ARHGAP35: variants seen among roughly 807,000 people sequenced by gnomAD.
ARHGAP35 encodes Rho GTPase activating protein 35, also known as rho GTPase-activating protein 35.
In ARHGAP35, 15 loss-of-function variants were observed where a neutral mutation model predicts 111.1. That is an observed-to-expected ratio of 0.13 (90% CI 0.09 to 0.21). The LOEUF (loss-of-function observed/expected upper bound fraction) is 0.21, where lower values mean the gene tolerates loss of function less well. Among genes scored for constraint, ARHGAP35 ranks in the 10% least tolerant of loss-of-function variants. The pLI, the probability that ARHGAP35 is intolerant of heterozygous loss-of-function variation, is 1.00. For synonymous variants in ARHGAP35, 643 were observed against 710.3 expected (o/e 0.91, Z 1.51); for missense variants, 1,262 against 1,873.0 (o/e 0.67, Z 6.02).
In ARHGAP35 at chr19:46,881,661, A is replaced by C. The variant is rs374578578; in HGVS notation, c.-189+20452A>C. 3.3e-5 allele frequency among the ~76,000 whole-genome samples: 5 copies of C among 152,154 alleles called. No individual in the cohort carries two copies. In the East Asian group the frequency reaches 5.8e-4, roughly 18 times the overall value. ...GTAGAATACAGTTAGCATGATTCCT[A>C]AGGCCTGTAGGATTTTCAGAATAGT... On this transcript the variant is annotated intron_variant, in intron 1 of 6. Transcript: ENST00000672722.
At chr19:46,882,841 T>A (rs1010202744) in intron 1 of ARHGAP35, among the ~76,000 whole-genome samples, 15 of 152,308 alleles carry the variant, frequency 9.8e-5, no homozygotes, top group African/African-American at 3.1e-4. Flanking sequence ...CTCACTCTTT[T>A]TTATGGCTGC....
chr19:46,886,417 A>C lies in ARHGAP35; in HGVS notation c.-189+25208A>C, dbSNP rs187221980. Among the ~76,000 whole-genome samples the C allele has an allele frequency of 6.1e-3, 918 of 149,670 alleles. 5 individuals are homozygous for C. The highest frequency in any genetic ancestry group is 0.021 in the Middle Eastern group (6 of 286). ...TTTTTTTTTCTTTTCTTTTTTTCCT[A>C]CTTCTAATTCTGACATAGGGCTGTG... is the stretch of plus-strand genomic sequence containing the variant. On this transcript the variant is annotated intron_variant, in intron 1 of 6. Coordinates refer to ENST00000672722, the MANE Select transcript of ARHGAP35 (RefSeq NM_004491.5).
At chr19:46,971,272 G>A (rs1405440907) in intron 3 of ARHGAP35, among the ~76,000 whole-genome samples, 1 of 151,954 alleles carries the variant, frequency 6.6e-6, no homozygotes, top group Non-Finnish European at 1.5e-5. Flanking sequence ...CGGGCGTGGT[G>A]GCGTGCGTCT....
chr19:46,875,956 A>G (rs766704651), intron 1 of ARHGAP35, among the ~76,000 whole-genome samples: 1 of 152,120 alleles, frequency 6.6e-6, no homozygotes, highest in Non-Finnish European at 1.5e-5. Context: ...GCAGTTGTCC[A>G]CATTTGTGGA....
intron 1 of ARHGAP35, among the ~76,000 whole-genome samples, chr19:46,869,508 G>A (rs952501321): frequency 6.7e-6 from 1 of 150,000 alleles, no homozygotes; most frequent in Non-Finnish European, 1.5e-5. Context: ...GTGTGTGTGT[G>A]TATTTGCATT....
rs1202901552 is a variant in ARHGAP35, at chr19:46,993,982, C to CT, written c.4036+4308dup. Reference sequence around the variant, plus strand: ...AGTGTCTTGACTCCCAAAGGGCAGGCTGAGGGAGCAGAGGATGTGAGGATC... The same window carrying CT: ...AGTGTCTTGACTCCCAAAGGGCAGGCTTGAGGGAGCAGAGGATGTGAGGATC... On this transcript the variant is annotated intron_variant, in intron 5 of 6. Coordinates refer to ENST00000672722, the MANE Select transcript of ARHGAP35 (RefSeq NM_004491.5). This position sits in a 1 kb window ranked among gnomAD's most constrained non-coding sequence, Gnocchi z 4.6. 6.6e-6 allele frequency among the ~76,000 whole-genome samples: 1 copy of CT among 152,182 alleles called. No individual in the cohort carries two copies. The highest frequency in any genetic ancestry group is 1.5e-5 in the Non-Finnish European group (1 of 68,038).
intron 1 of ARHGAP35, among the ~76,000 whole-genome samples, chr19:46,894,445 G>GTTTTTTTTTTTTTTTT (rs35723876): frequency 9.3e-6 from 1 of 108,108 alleles, no homozygotes; most frequent in African/African-American, 3.6e-5. Context: ...CTGTTTTTTG[G>GTTTTTTTTTTTTTTTT]TTTTTTTTTT....
At chr19:46,933,528 G>T (rs920378033) in intron 2 of ARHGAP35, among the ~76,000 whole-genome samples, 3 of 151,996 alleles carry the variant, frequency 2.0e-5, no homozygotes, top group Non-Finnish European at 2.9e-5. Flanking sequence ...TATAAGCCGT[G>T]GTGGTTAAAA....
chr19:46,976,282 A>C (rs1235748507), intron 3 of ARHGAP35, among the ~76,000 whole-genome samples: 1 of 144,192 alleles, frequency 6.9e-6, no homozygotes, highest in Non-Finnish European at 1.5e-5. Context: ...TAAGTTAAGC[A>C]CAAGTCACTT....
intron 1 of ARHGAP35, among the ~76,000 whole-genome samples, chr19:46,885,676 C>G (rs1369578742): frequency 6.6e-6 from 1 of 152,140 alleles, no homozygotes; most frequent in Non-Finnish European, 1.5e-5. Flanking sequence ...TTCTTGATCT[C>G]TAGTTTAGCT....
intron 3 of ARHGAP35, among the ~76,000 whole-genome samples, chr19:46,960,700 C>T (rs2056475913): frequency 6.6e-6 from 1 of 152,068 alleles, no homozygotes; most frequent in Non-Finnish European, 1.5e-5. Flanking sequence ...TTGTACCTTC[C>T]AGAGCTTTCT....
chr19:46,875,857 A>G (rs2055916164), intron 1 of ARHGAP35, among the ~76,000 whole-genome samples: 1 of 152,102 alleles, frequency 6.6e-6, no homozygotes, highest in African/African-American at 2.4e-5. Context: ...TACAACTTGT[A>G]ATTTGCCCCC....
chr19:46,920,447 C>G lies in ARHGAP35; in HGVS notation c.1772C>G (p.Ser591Cys), dbSNP rs1305866268. 2 of 1,613,820 alleles carry G rather than the reference C, an allele frequency of 1.2e-6. No individual in the cohort carries two copies. Among genetic ancestry groups the G allele is most frequent in the South Asian group, 1.1e-5 (1 of 91,092 alleles). The change falls in exon 2 of 7, where the codon TCT becomes TGT. Residue 591 changes from serine to cysteine, a missense_variant. Physicochemically the swap from Ser to Cys is moderately radical, Grantham distance 112. Transcript: ENST00000672722. This position sits in a 1 kb window ranked among gnomAD's most constrained non-coding sequence, Gnocchi z 7.0. The part of the protein sequence containing the change: ...PSDRNQKNSL[S>C]DPNIDRINLV... ...GACCGGAATCAGAAAAATTCACTCT[C>G]TGACCCTAACATTGATAGAATCAAC... is the stretch of plus-strand genomic sequence containing the variant.
At chr19:46,887,179 C>G (rs1244249704) in intron 1 of ARHGAP35, among the ~76,000 whole-genome samples, 1 of 151,866 alleles carries the variant, frequency 6.6e-6, no homozygotes, top group Admixed American at 6.6e-5. Flanking sequence ...GATATATTTA[C>G]CTTCTCAGTG....
At chr19:46,981,118 T>A (rs1218150435) in intron 3 of ARHGAP35, among the ~76,000 whole-genome samples, 2 of 152,160 alleles carry the variant, frequency 1.3e-5, no homozygotes, top group Non-Finnish European at 2.9e-5. Context: ...TCCACAGAGG[T>A]CGGTCCTCTT....
intron 3 of ARHGAP35, among the ~76,000 whole-genome samples, chr19:46,950,120 T>G (rs1180273571): frequency 6.6e-6 from 1 of 152,240 alleles, no homozygotes; most frequent in East Asian, 1.9e-4. Context: ...GGAATACTTT[T>G]GCCTGCTTTT....
At position 47,001,813 on chromosome 19, in the gene ARHGAP35, G is replaced by T; in HGVS notation, c.*1125G>T. ...TGGGGACAGCTGGAAGGTGCCAGGT[G>T]CACTTGGGGTTGGGGTTGGTGTGTT... On this transcript the variant is annotated 3_prime_UTR_variant, in exon 7 of 7. Transcript: ENST00000672722. This position sits in a 1 kb window ranked among gnomAD's most constrained non-coding sequence, Gnocchi z 5.4. 4.7e-6 allele frequency: 1 copy of T among 212,288 alleles called. No individual in the cohort carries two copies. Among genetic ancestry groups the T allele is most frequent in the Non-Finnish European group, 9.5e-6 (1 of 105,068 alleles). The allele number at this position is 212,288 out of a possible 1,614,324, so 13.2% of individuals were successfully genotyped here.
intron 3 of ARHGAP35, among the ~76,000 whole-genome samples, chr19:46,949,925 G>T (rs1448872545): frequency 6.6e-6 from 1 of 152,188 alleles, no homozygotes; most frequent in Non-Finnish European, 1.5e-5. Flanking sequence ...TAATGGATGA[G>T]ACTGGGCAGT....
At chr19:46,984,185 C>T (rs2056636772) in intron 3 of ARHGAP35, among the ~76,000 whole-genome samples, 1 of 152,084 alleles carries the variant, frequency 6.6e-6, no homozygotes, top group South Asian at 2.1e-4. Context: ...GGTAAGGATG[C>T]CTGTGAGTTT....
Sources: allele counts gnomAD v4.1 joint callset (sites outside exome capture counted in the v4.1 genomes callset), GRCh38; gene constraint gnomAD v4.1.1; non-coding constraint Gnocchi (gnomAD v3.1); transcripts MANE v1.5; gene names NCBI Gene and HGNC (gene_info 2026-07-23, HGNC 2026-07-21).